The following PTPRD variants were observed in gnomAD, a reference collection of about 807,000 sequenced individuals.
The protein encoded by PTPRD is protein tyrosine phosphatase receptor type D.
A neutral mutation model predicts 214.5 loss-of-function variants in PTPRD; 34 were observed. The observed-to-expected ratio is 0.16, with a 90% confidence interval of 0.12 to 0.21. PTPRD has a LOEUF of 0.21. PTPRD is among the 10% of genes least tolerant of loss of function. The probability of loss-of-function intolerance (pLI) is 1.00; values close to 1 mark genes in which losing one functional copy is unlikely to be tolerated. For missense variants in PTPRD, 2,545 were observed against 2,398.7 expected (o/e 1.06, Z -1.27); for synonymous variants, 1,128 against 845.7 (o/e 1.33, Z -5.79).
At position 9,258,420 on chromosome 9, in the gene PTPRD, C is replaced by T. The variant is rs1428515843; in HGVS notation, c.-202-75057G>A. Among the ~76,000 whole-genome samples the T allele has an allele frequency of 2.7e-5, 4 of 148,558 alleles. No individual in the cohort carries two copies. In the Admixed American group the frequency reaches 2.7e-4, roughly 10 times the overall value. ...AGTTTTTCATTTAATTCATTGCACG[C>T]TTCTATTAAATAAAAAAAAAAATAC... On this transcript the variant is annotated intron_variant, in intron 9 of 45. Transcript: ENST00000381196.
At chr9:10,222,440 G>C (rs1294479335) in intron 3 of PTPRD, among the ~76,000 whole-genome samples, 1 of 152,016 alleles carries the variant, frequency 6.6e-6, no homozygotes, top group Non-Finnish European at 1.5e-5. Flanking sequence ...ACCCTTAATA[G>C]CATCCTATGT....
In PTPRD at chr9:8,485,428, G is replaced by A. The variant is rs2096979205; in HGVS notation, c.3056-104C>T. On this transcript the variant is annotated intron_variant, in intron 28 of 45. Transcript: ENST00000381196. The stretch of plus-strand genomic sequence containing the variant: ...GCTTATGCTAGATGCTGTCTACTTT[G>A]ATCAGAGAGAGAAGTATGATTTTCC... 7.9e-6 allele frequency: 6 copies of A among 755,150 alleles called. No homozygotes were observed. The African/African-American group carries it at 8.9e-5, about 11-fold the overall frequency. The allele number at this position is 755,150 out of a possible 1,614,324, so 46.8% of individuals were successfully genotyped here. A position where few individuals can be genotyped will look rare whatever the true frequency, so the allele number is the denominator to read the frequency against.
At chr9:9,579,267 A>G (rs1435712559) in intron 7 of PTPRD, among the ~76,000 whole-genome samples, 23 of 152,092 alleles carry the variant, frequency 1.5e-4, no homozygotes, top group Admixed American at 1.5e-3. Flanking sequence ...AGTGCCAAGA[A>G]GTGTGTCAAA....
chr9:10,410,296 T>C (rs191669970), intron 2 of PTPRD, among the ~76,000 whole-genome samples: 4,028 of 140,100 alleles, frequency 0.029, 133 homozygotes, highest in East Asian at 0.11. Context: ...ATATATAATA[T>C]ATATAATATA....
At chr9:10,044,283 T>C (rs1249521093) in intron 3 of PTPRD, among the ~76,000 whole-genome samples, 2 of 151,842 alleles carry the variant, frequency 1.3e-5, no homozygotes, top group Non-Finnish European at 2.9e-5. Context: ...GAGGACATAA[T>C]AGATTATCAT....
At chr9:10,325,629 A>G (rs2096629628) in intron 3 of PTPRD, among the ~76,000 whole-genome samples, 1 of 151,984 alleles carries the variant, frequency 6.6e-6, no homozygotes, top group Non-Finnish European at 1.5e-5. Flanking sequence ...AAGAGAAGTC[A>G]TGAGGCATTA....
At chr9:9,541,722 C>A (rs184417976) in intron 8 of PTPRD, among the ~76,000 whole-genome samples, 2 of 151,916 alleles carry the variant, frequency 1.3e-5, no homozygotes, top group Admixed American at 1.3e-4. Flanking sequence ...ATGGCTAGGA[C>A]AGAATAGAAG....
At chr9:10,386,111 T>G (rs1405645101) in intron 2 of PTPRD, among the ~76,000 whole-genome samples, 6 of 151,890 alleles carry the variant, frequency 4.0e-5, no homozygotes, top group Non-Finnish European at 5.9e-5. Context: ...CAAGTGGATT[T>G]TATTATCCAG....
chr9:9,566,405 G>C (rs1000985379), intron 8 of PTPRD, among the ~76,000 whole-genome samples: 1 of 151,806 alleles, frequency 6.6e-6, no homozygotes, highest in East Asian at 1.9e-4. Context: ...ATGGTGTTGT[G>C]GTCAAAAATT....
intron 27 of PTPRD, among the ~76,000 whole-genome samples, chr9:8,489,491 G>A (rs867531535): frequency 2.6e-5 from 4 of 152,252 alleles, no homozygotes; most frequent in Middle Eastern, 3.4e-3. Flanking sequence ...GCCTGGAAGT[G>A]CCACAAAGCA....
chr9:10,116,235 G>A (rs2098730265), intron 3 of PTPRD, among the ~76,000 whole-genome samples: 1 of 152,168 alleles, frequency 6.6e-6, no homozygotes, highest in East Asian at 1.9e-4. Context: ...ACTGGTAAAT[G>A]TCAGTCTGAA....
chr9:9,006,451 T>C (rs771089912), intron 11 of PTPRD, among the ~76,000 whole-genome samples: 56 of 152,198 alleles, frequency 3.7e-4, no homozygotes, highest in South Asian at 6.2e-4. Context: ...ACAAATTTAA[T>C]TTTAAAGACT....
chr9:10,303,464 T>C (rs185148405), intron 3 of PTPRD, among the ~76,000 whole-genome samples: 21 of 151,732 alleles, frequency 1.4e-4, no homozygotes, highest in Admixed American at 1.2e-3. Flanking sequence ...AAAAATAAAT[T>C]AATCCAGGAG....
chr9:9,639,868 T>C (rs949121295), intron 7 of PTPRD, among the ~76,000 whole-genome samples: 1 of 152,196 alleles, frequency 6.6e-6, no homozygotes, highest in Non-Finnish European at 1.5e-5. Context: ...AAATTTATTA[T>C]AGCTTAGAGA....
At chr9:10,523,074 T>C (rs1389227987) in intron 2 of PTPRD, among the ~76,000 whole-genome samples, 1 of 152,080 alleles carries the variant, frequency 6.6e-6, no homozygotes, top group Non-Finnish European at 1.5e-5. Flanking sequence ...GTATAATTAA[T>C]GCAGCCTAAT....
intron 5 of PTPRD, among the ~76,000 whole-genome samples, chr9:9,796,497 T>G (rs779966980): frequency 6.6e-6 from 1 of 152,090 alleles, no homozygotes; most frequent in Non-Finnish European, 1.5e-5. Context: ...AACTAAGCAT[T>G]TGCTGACAGC....
At chr9:8,737,484 A>AAAT (rs1459252558) in intron 11 of PTPRD, among the ~76,000 whole-genome samples, 1 of 152,052 alleles carries the variant, frequency 6.6e-6, no homozygotes, top group Non-Finnish European at 1.5e-5. Flanking sequence ...TATTATAAGG[A>AAAT]GTTTCCATTA....
At chr9:8,398,686 C>A (rs73420422) in intron 36 of PTPRD, among the ~76,000 whole-genome samples, 10 of 152,072 alleles carry the variant, frequency 6.6e-5, no homozygotes, top group Non-Finnish European at 2.9e-5. Flanking sequence ...CTTTTTCTAT[C>A]GTTTTGGCCA....
chr9:10,577,293 A>G (rs1980670), intron 2 of PTPRD, among the ~76,000 whole-genome samples: 49,394 of 152,062 alleles, frequency 0.32, 8,260 homozygotes, highest in East Asian at 0.5. Flanking sequence ...TGGAACCAGA[A>G]GACATTTATA....
Sources: gnomAD v4.1 joint callset for allele counts (sites outside exome capture counted in the v4.1 genomes callset) on GRCh38, gnomAD v4.1.1 for gene constraint, MANE v1.5 for transcripts, NCBI Gene and HGNC (gene_info 2026-07-23, HGNC 2026-07-21) for gene names.